The following PRMT8 variants were observed in gnomAD, a reference collection of about 807,000 sequenced individuals.
The protein encoded by PRMT8 is protein arginine N-methyltransferase 8.
Under a neutral mutation model 47.1 loss-of-function variants are expected in PRMT8, and 7 were observed. The observed-to-expected ratio is 0.15, with a 90% confidence interval of 0.08 to 0.28. The LOEUF (loss-of-function observed/expected upper bound fraction) is 0.28. PRMT8 is among the 10% of genes least tolerant of loss of function. The pLI is 1.00. For synonymous variants in PRMT8, 188 were observed against 186.5 expected (o/e 1.01, Z -0.07); for missense variants, 237 against 505.4 (o/e 0.47, Z 5.09).
At chr12:3,484,540 A>T (rs1865304654) in intron 1 of PRMT8, among the ~76,000 whole-genome samples, 1 of 152,242 alleles carries the variant, frequency 6.6e-6, no homozygotes, top group South Asian at 2.1e-4. Flanking sequence ...TGTGTTAACA[A>T]TACTATGTCC....
At chr12:3,481,353 A>T (rs1362959186) in intron 1 of PRMT8, among the ~76,000 whole-genome samples, 1 of 152,154 alleles carries the variant, frequency 6.6e-6, no homozygotes, top group East Asian at 1.9e-4. Context: ...GGGGCAAAAG[A>T]CCTAGACAAC....
At chr12:3,584,614 T>G (rs536272928) in intron 8 of PRMT8, among the ~76,000 whole-genome samples, 1 of 152,324 alleles carries the variant, frequency 6.6e-6, no homozygotes, top group South Asian at 2.1e-4. Flanking sequence ...GAAAGCATTC[T>G]CACCCCCAAC....
chr12:3,420,031 CAGACAGAGAG>C (rs1281084404), intron 1 of PRMT8, among the ~76,000 whole-genome samples: 13 of 40,420 alleles, frequency 3.2e-4, no homozygotes, highest in East Asian at 1.4e-3. Flanking sequence ...GAGAGAGAGA[CAGACAGAGAG>C]AGAGAGAGAG....
At chr12:3,530,343 A>G (rs571105417) in intron 1 of PRMT8, among the ~76,000 whole-genome samples, 58 of 152,284 alleles carry the variant, frequency 3.8e-4, no homozygotes, top group African/African-American at 1.4e-3. Flanking sequence ...CTTTATACTA[A>G]GTATTAAGAG....
chr12:3,552,733 G>C lies in PRMT8; in HGVS notation c.418-918G>C, dbSNP rs756812701. The C allele has an allele frequency of 6.1e-5, 29 of 478,198 alleles. No individual in the cohort carries two copies. In the East Asian group the frequency reaches 1.7e-3, roughly 28 times the overall value. 29.6% of individuals were successfully genotyped at this position (478,198 alleles called of 1,614,324 possible). A position where few individuals can be genotyped will look rare whatever the true frequency, so the allele number is the denominator to read the frequency against. ...CTCACCCTTCCTCAAGGCGTGGCCA[G>C]AGGCGTCAGAAACTCCCTCAGTGCC... is the stretch of plus-strand genomic sequence containing the variant. On this transcript the variant is annotated intron_variant, in intron 3 of 9. Transcript: ENST00000382622. This position sits in a 1 kb window ranked among gnomAD's most constrained non-coding sequence, Gnocchi z 4.5.
At chr12:3,542,061 C>A (rs551600066) in intron 2 of PRMT8, among the ~76,000 whole-genome samples, 1 of 152,334 alleles carries the variant, frequency 6.6e-6, no homozygotes, top group East Asian at 1.9e-4. Flanking sequence ...TTCTTTCCAT[C>A]TGGAAACTGT....
chr12:3,504,857 C>T (rs1865592144), intron 1 of PRMT8, among the ~76,000 whole-genome samples: 2 of 20,410 alleles, frequency 9.8e-5, no homozygotes, highest in Non-Finnish European at 2.3e-4. Flanking sequence ...CAGCGAGATT[C>T]CGTGGGCGTA....
chr12:3,534,066 G>A (rs550534685), intron 1 of PRMT8, among the ~76,000 whole-genome samples: 2 of 152,366 alleles, frequency 1.3e-5, no homozygotes, highest in South Asian at 4.1e-4. Flanking sequence ...GGTGAAGGCG[G>A]TGGGCAAAAG....
intron 1 of PRMT8, among the ~76,000 whole-genome samples, chr12:3,460,574 G>A (rs1865030191): frequency 6.6e-6 from 1 of 152,188 alleles, no homozygotes; most frequent in Non-Finnish European, 1.5e-5. Context: ...GGCAGAATGG[G>A]ATGTGGGGGT....
chr12:3,587,337 AATTT>A (rs1158263326), intron 8 of PRMT8, among the ~76,000 whole-genome samples: 1 of 150,832 alleles, frequency 6.6e-6, no homozygotes. Context: ...AATACTAATA[AATTT>A]ATTAGTATTA....
At chr12:3,452,656 C>T (rs563722043) in intron 1 of PRMT8, among the ~76,000 whole-genome samples, 6 of 152,286 alleles carry the variant, frequency 3.9e-5, no homozygotes, top group South Asian at 4.1e-4. Context: ...CCCAGAAGCA[C>T]GTTGCTTTAT....
chr12:3,463,162 G>A (rs115304036), intron 1 of PRMT8, among the ~76,000 whole-genome samples: 2,037 of 152,282 alleles, frequency 0.013, 54 homozygotes, highest in African/African-American at 0.046. Context: ...TTTACAGACT[G>A]AGGAAATTAA....
At chr12:3,567,321 C>G (rs1360893704) in intron 4 of PRMT8, among the ~76,000 whole-genome samples, 1 of 152,180 alleles carries the variant, frequency 6.6e-6, no homozygotes, top group Non-Finnish European at 1.5e-5. Flanking sequence ...AGTCGTACAG[C>G]TAATGGTGAG....
intron 1 of PRMT8, among the ~76,000 whole-genome samples, chr12:3,476,790 A>G (rs1865219088): frequency 6.6e-6 from 1 of 152,128 alleles, no homozygotes; most frequent in African/African-American, 2.4e-5. Context: ...CTGCAGCTAC[A>G]TTTGTGGGTT....
chr12:3,582,813 G>T (rs539094209), intron 7 of PRMT8, among the ~76,000 whole-genome samples: 1 of 152,056 alleles, frequency 6.6e-6, no homozygotes, highest in Admixed American at 6.5e-5. Context: ...TTTATCTTCC[G>T]AATTCTGCTC....
intron 1 of PRMT8, among the ~76,000 whole-genome samples, chr12:3,394,247 G>A (rs1306147841): frequency 6.6e-6 from 1 of 152,092 alleles, no homozygotes; most frequent in Non-Finnish European, 1.5e-5. Flanking sequence ...CCAACACTAT[G>A]TTGAATAGGA....
chr12:3,491,907 G>A (rs1865417836), intron 1 of PRMT8, among the ~76,000 whole-genome samples: 1 of 119,104 alleles, frequency 8.4e-6, no homozygotes, highest in African/African-American at 3.1e-5. Context: ...GGGTGGGGGG[G>A]AAGTTCATGT....
Position 3,552,678 on chromosome 12 carries a change from C to T in PRMT8, c.418-973C>T, listed in dbSNP as rs1405416077. The T allele has an allele frequency of 4.4e-6, 2 of 456,806 alleles. No homozygotes were observed. The highest frequency in any genetic ancestry group is 6.9e-5 in the East Asian group (1 of 14,428). 28.3% of individuals were successfully genotyped at this position (456,806 alleles called of 1,614,324 possible). On this transcript the variant is annotated intron_variant, in intron 3 of 9. Coordinates refer to ENST00000382622, the MANE Select transcript of PRMT8 (RefSeq NM_019854.5). This position sits in a 1 kb window ranked among gnomAD's most constrained non-coding sequence, Gnocchi z 4.5. ...CGGCCTCCTTGGATGCAGCTCTAACCAAGTGACCCCTTCTGACCCCGTAGG... is the reference window on the plus strand; with the variant it reads ...CGGCCTCCTTGGATGCAGCTCTAACTAAGTGACCCCTTCTGACCCCGTAGG...
chr12:3,464,861 A>C (rs1399465489), intron 1 of PRMT8, among the ~76,000 whole-genome samples: 2 of 152,112 alleles, frequency 1.3e-5, no homozygotes, highest in Non-Finnish European at 2.9e-5. Flanking sequence ...ACTCCTGCTC[A>C]CACCTGTAAT....
Sources: gnomAD v4.1 joint callset for allele counts (sites outside exome capture counted in the v4.1 genomes callset) on GRCh38, gnomAD v4.1.1 for gene constraint, Gnocchi (gnomAD v3.1) non-coding constraint, MANE v1.5 for transcripts, NCBI Gene and HGNC (gene_info 2026-07-23, HGNC 2026-07-21) for gene names.